Variants in PCDHA8 observed in about 807,000 individuals in gnomAD.
PCDHA8 encodes protocadherin alpha 8.
A neutral mutation model predicts 61.8 loss-of-function variants in PCDHA8; 53 were observed. That is an observed-to-expected ratio of 0.86 (90% CI 0.69 to 1.08). PCDHA8 has a LOEUF of 1.08. Ranked by LOEUF, PCDHA8 falls within the 50% of genes least tolerant of loss-of-function variation. PCDHA8 has a pLI of 0.00. For missense variants in PCDHA8, 1,293 were observed against 1,245.0 expected (o/e 1.04, Z -0.58); for synonymous variants, 618 against 556.6 (o/e 1.11, Z -1.55).
chr5:141,000,603 T>C (rs1237883625), intron 3 of PCDHA8, among the ~76,000 whole-genome samples: 1 of 150,986 alleles, frequency 6.6e-6, no homozygotes, highest in Admixed American at 6.6e-5. Flanking sequence ...AATTTTTGTA[T>C]TTTTAGTAGA....
chr5:141,004,014 A>T (rs1294633411), intron 3 of PCDHA8, among the ~76,000 whole-genome samples: 40 of 152,222 alleles, frequency 2.6e-4, no homozygotes, highest in African/African-American at 9.4e-4. Context: ...GGCAGCACTG[A>T]AAGAAGAAAC....
At chr5:140,966,885 C>G in intron 1 of PCDHA8, 1 of 1,590,818 alleles carries the variant, frequency 6.3e-7, no homozygotes, top group Non-Finnish European at 8.5e-7. Flanking sequence ...CCTGGCCCTG[C>G]GGCCTCCCAG....
At chr5:140,915,531 T>C (rs1258680816) in intron 1 of PCDHA8, among the ~76,000 whole-genome samples, 1 of 152,150 alleles carries the variant, frequency 6.6e-6, no homozygotes, top group Non-Finnish European at 1.5e-5. Context: ...AGGTACCATC[T>C]TGGAGGTCTT....
intron 1 of PCDHA8, among the ~76,000 whole-genome samples, chr5:140,951,315 C>A (rs782114634): frequency 6.6e-6 from 1 of 151,988 alleles, no homozygotes; most frequent in Non-Finnish European, 1.5e-5. Context: ...ATGTGTTATT[C>A]TTGAGATTCA....
In PCDHA8 at chr5:140,850,494, G is replaced by A. The variant is rs140796784; in HGVS notation, c.2394+6779G>A. ...GCTGACGGCCACGGCCACTGTGCTGGTGTCGCTGGTGGAGAGCGGCCAGGC... is the reference window on the plus strand; with the variant it reads ...GCTGACGGCCACGGCCACTGTGCTGATGTCGCTGGTGGAGAGCGGCCAGGC... On this transcript the variant is annotated intron_variant, in intron 1 of 3. Transcript: ENST00000531613. The A allele has an allele frequency of 3.1e-5, 50 of 1,598,140 alleles. 3 individuals carry two copies. In the African/African-American group the frequency reaches 5.6e-4, roughly 18 times the overall value.
intron 1 of PCDHA8, among the ~76,000 whole-genome samples, chr5:140,888,973 A>G (rs1173174070): frequency 2.6e-5 from 4 of 152,078 alleles, no homozygotes; most frequent in African/African-American, 9.7e-5. Flanking sequence ...TAATGTGTTG[A>G]ATTTATGATT....
At position 140,842,909 on chromosome 5, in the gene PCDHA8, C is replaced by G; in HGVS notation, c.1588C>G (p.Leu530Val). ...GCCGCTGGACCACGAGGAGCTAGAG[C>G]TGCTGCAGTTCCAGGTGAGCGCGCG... is the stretch of plus-strand genomic sequence containing the variant. ...LQPLDHEELE[L>V]LQFQVSARDA... The change falls in exon 1 of 4, where the codon CTG (leucine) becomes GTG (valine). Residue 530 changes from leucine to valine, a missense_variant. Physicochemically the swap from Leu to Val is conservative, Grantham distance 32. Coordinates refer to ENST00000531613, the MANE Select transcript of PCDHA8 (RefSeq NM_018911.3). 1 of 1,594,530 alleles carries G rather than the reference C, an allele frequency of 6.3e-7. No homozygotes were observed. Among genetic ancestry groups the G allele is most frequent in the Non-Finnish European group, 8.6e-7 (1 of 1,165,454 alleles).
At chr5:140,864,027 G>A (rs2048287135) in intron 1 of PCDHA8, 1 of 152,794 alleles carries the variant, frequency 6.5e-6, no homozygotes, top group Non-Finnish European at 1.5e-5. Flanking sequence ...TGGAAGTCTA[G>A]CCATCTTAAT....
chr5:140,858,297 A>G, intron 1 of PCDHA8: 2 of 1,597,406 alleles, frequency 1.3e-6, no homozygotes, highest in Non-Finnish European at 1.7e-6. Flanking sequence ...TCTTACTCGC[A>G]GCAGAGGCGG....
At chr5:140,897,167 C>A (rs1271791310) in intron 1 of PCDHA8, among the ~76,000 whole-genome samples, 1 of 152,140 alleles carries the variant, frequency 6.6e-6, no homozygotes, top group Non-Finnish European at 1.5e-5. Flanking sequence ...TACTGTCTAT[C>A]TCCATGGGTT....
chr5:140,963,177 T>A (rs1002604435), intron 1 of PCDHA8, among the ~76,000 whole-genome samples: 1 of 152,194 alleles, frequency 6.6e-6, no homozygotes, highest in East Asian at 1.9e-4. Flanking sequence ...CTTACAGATA[T>A]GCTGTAGACT....
At chr5:140,989,837 T>C (rs1389244965) in intron 3 of PCDHA8, among the ~76,000 whole-genome samples, 1 of 152,120 alleles carries the variant, frequency 6.6e-6, no homozygotes, top group African/African-American at 2.4e-5. Context: ...AGCCTGTCAA[T>C]GAGTGTGTGG....
chr5:140,873,621 T>C (rs1282269984), intron 1 of PCDHA8, among the ~76,000 whole-genome samples: 2 of 152,186 alleles, frequency 1.3e-5, no homozygotes, highest in African/African-American at 4.8e-5. Flanking sequence ...TAACAATTTG[T>C]TTAGGTCAAA....
intron 1 of PCDHA8, chr5:140,928,175 G>A (rs782432136): frequency 6.8e-6 from 11 of 1,614,032 alleles, no homozygotes; most frequent in African/African-American, 1.3e-5. Flanking sequence ...CTTAGCACCC[G>A]AAGGACAATC....
chr5:140,870,626 C>G lies in PCDHA8; in HGVS notation c.2394+26911C>G, dbSNP rs782773688. Reference sequence around the variant, plus strand: ...GACCGCGCGCTGTCGAGCTACGTGTCGGTGCACGCGGAGAGCGGCAAGGTG... The same window carrying G: ...GACCGCGCGCTGTCGAGCTACGTGTGGGTGCACGCGGAGAGCGGCAAGGTG... On this transcript the variant is annotated intron_variant, in intron 1 of 3. Coordinates refer to ENST00000531613, the MANE Select transcript of PCDHA8 (RefSeq NM_018911.3). 15 of 1,613,016 alleles carry G rather than the reference C, an allele frequency of 9.3e-6. No individual in the cohort carries two copies. The highest frequency in any genetic ancestry group is 1.1e-5 in the Non-Finnish European group (13 of 1,179,794).
chr5:140,887,201 A>G (rs1331832646), intron 1 of PCDHA8, among the ~76,000 whole-genome samples: 1 of 150,710 alleles, frequency 6.6e-6, no homozygotes, highest in Non-Finnish European at 1.5e-5. Context: ...GGTTCACGCC[A>G]TTCTCCTGCC....
intron 1 of PCDHA8, among the ~76,000 whole-genome samples, chr5:140,925,773 A>G (rs2082712352): frequency 6.6e-6 from 1 of 151,966 alleles, no homozygotes; most frequent in African/African-American, 2.4e-5. Context: ...TCCTGGTCAA[A>G]CTCTAATGAG....
At chr5:140,882,376 C>G in intron 1 of PCDHA8, 1 of 1,614,190 alleles carries the variant, frequency 6.2e-7, no homozygotes, top group South Asian at 1.1e-5. Context: ...ACTCCGTCCC[C>G]GAGGAAGCAA....
At chr5:140,897,656 C>T (rs2153457504) in intron 1 of PCDHA8, among the ~76,000 whole-genome samples, 1 of 152,200 alleles carries the variant, frequency 6.6e-6, no homozygotes, top group Non-Finnish European at 1.5e-5. Flanking sequence ...CATACGTGTG[C>T]ATGTGTCTTT....
Sources: gnomAD v4.1 joint callset for allele counts (sites outside exome capture counted in the v4.1 genomes callset) on GRCh38, gnomAD v4.1.1 for gene constraint, MANE v1.5 for transcripts, NCBI Gene and HGNC (gene_info 2026-07-23, HGNC 2026-07-21) for gene names.